The following LCORL variants were observed in gnomAD, a reference collection of about 807,000 sequenced individuals.
The protein encoded by LCORL is ligand-dependent nuclear receptor corepressor-like protein.
A neutral mutation model predicts 141.8 loss-of-function variants in LCORL; 41 were observed. That is an observed-to-expected ratio of 0.29 (90% CI 0.23 to 0.38). The LOEUF (loss-of-function observed/expected upper bound fraction) is 0.38. LCORL is among the 10% of genes least tolerant of loss of function. The probability of loss-of-function intolerance (pLI) is 1.00; values close to 1 mark genes in which losing one functional copy is unlikely to be tolerated. For missense variants in LCORL, 1,759 were observed against 2,035.0 expected (o/e 0.86, Z 2.61); for synonymous variants, 618 against 694.1 (o/e 0.89, Z 1.72).
chr4:17,943,917 CACTTT>C (rs778448616), intron 4 of LCORL, among the ~76,000 whole-genome samples: 1 of 152,192 alleles, frequency 6.6e-6, no homozygotes, highest in Non-Finnish European at 1.5e-5. Flanking sequence ...TTGTTACTCA[CACTTT>C]ACTTAAGGTT....
At chr4:17,975,007 C>T (rs1051077924) in intron 1 of LCORL, among the ~76,000 whole-genome samples, 2 of 151,898 alleles carry the variant, frequency 1.3e-5, no homozygotes. Flanking sequence ...TTTTATTGAT[C>T]TTTTTACAAA....
At chr4:17,882,469 A>G in intron 6 of LCORL, 1 of 984,652 alleles carries the variant, frequency 1.0e-6, no homozygotes, top group South Asian at 4.7e-5. Flanking sequence ...GGTAAAAATG[A>G]CCAGTCTCTC....
At chr4:17,977,695 A>C (rs1717232943) in intron 1 of LCORL, among the ~76,000 whole-genome samples, 1 of 152,160 alleles carries the variant, frequency 6.6e-6, no homozygotes, top group South Asian at 2.1e-4. Context: ...TATGTTGTGA[A>C]TATTTCTCCT....
At chr4:17,918,186 T>G (rs1733757532) in intron 4 of LCORL, among the ~76,000 whole-genome samples, 1 of 152,122 alleles carries the variant, frequency 6.6e-6, no homozygotes, top group Non-Finnish European at 1.5e-5. Flanking sequence ...TTTAGAAAAG[T>G]CGCTAAACAA....
intron 2 of LCORL, among the ~76,000 whole-genome samples, chr4:17,967,755 TCTTTA>T (rs1463817727): frequency 1.3e-5 from 2 of 152,202 alleles, no homozygotes; most frequent in African/African-American, 4.8e-5. Context: ...CTCAGGTAAG[TCTTTA>T]CTTCAGATAA....
intron 1 of LCORL, among the ~76,000 whole-genome samples, chr4:17,995,591 A>G (rs1163058590): frequency 6.6e-6 from 1 of 152,188 alleles, no homozygotes; most frequent in Non-Finnish European, 1.5e-5. Flanking sequence ...CAACAAGTAG[A>G]AACCAAACTA....
At chr4:17,940,648 A>G (rs1313025111) in intron 4 of LCORL, among the ~76,000 whole-genome samples, 8 of 151,902 alleles carry the variant, frequency 5.3e-5, no homozygotes, top group Admixed American at 5.3e-4. Flanking sequence ...GATTTCTATT[A>G]TCGGAACAGG....
At chr4:18,007,936 T>C (rs1440875355) in intron 1 of LCORL, among the ~76,000 whole-genome samples, 1 of 152,154 alleles carries the variant, frequency 6.6e-6, no homozygotes, top group Admixed American at 6.5e-5. Flanking sequence ...AAAGTAATTA[T>C]TGGGCTGATC....
At chr4:17,847,502 A>G (rs898561538) in intron 7 of LCORL, among the ~76,000 whole-genome samples, 3 of 152,248 alleles carry the variant, frequency 2.0e-5, no homozygotes, top group Admixed American at 1.3e-4. Flanking sequence ...TTCAATTTGT[A>G]TAAATAGATA....
intron 1 of LCORL, among the ~76,000 whole-genome samples, chr4:17,980,709 T>G (rs370402245): frequency 6.6e-6 from 1 of 152,194 alleles, no homozygotes; most frequent in African/African-American, 2.4e-5. Flanking sequence ...CCCAGGGCCA[T>G]GGACCAGTAC....
chr4:17,876,383 A>T (rs759411939), exon 7 of LCORL: 205 of 1,230,734 alleles, frequency 1.7e-4, no homozygotes, highest in Non-Finnish European at 1.3e-4. Context: ...CTTTACCATC[A>T]ATTTCTATCA....
intron 4 of LCORL, among the ~76,000 whole-genome samples, chr4:17,930,228 GAA>G (rs1467812430): frequency 1.3e-5 from 2 of 152,160 alleles, no homozygotes; most frequent in East Asian, 3.9e-4. Context: ...TAAGCCAGAG[GAA>G]GTGGTAGAAT....
intron 1 of LCORL, among the ~76,000 whole-genome samples, chr4:17,999,001 T>C (rs1327975770): frequency 3.2e-5 from 2 of 63,020 alleles, no homozygotes; most frequent in Non-Finnish European, 3.4e-5. Flanking sequence ...TATATATATA[T>C]ATACACACAT....
At chr4:17,901,545 C>A (rs148782301) in intron 5 of LCORL, among the ~76,000 whole-genome samples, 14 of 152,020 alleles carry the variant, frequency 9.2e-5, no homozygotes, top group Non-Finnish European at 1.9e-4. Context: ...TGATATAAAA[C>A]AAATGGTTGT....
chr4:17,883,611 G>C (rs1342786651), intron 6 of LCORL: 10 of 1,374,044 alleles, frequency 7.3e-6, no homozygotes, highest in African/African-American at 1.5e-5. Context: ...GTGAGCATTT[G>C]TAATTCCCAC....
At chr4:17,874,428 A>G (rs978066963) in exon 7 of LCORL, 1 of 1,233,784 alleles carries the variant, frequency 8.1e-7, no homozygotes, top group Non-Finnish European at 1.0e-6. Flanking sequence ...TGCTTTTCTA[A>G]CTAGTGAAAG....
chr4:17,954,857 A>C (rs1284989254), intron 4 of LCORL, among the ~76,000 whole-genome samples: 1 of 152,220 alleles, frequency 6.6e-6, no homozygotes, highest in African/African-American at 2.4e-5. Flanking sequence ...GGGGAAGGGA[A>C]ATAGGATAAA....
intron 4 of LCORL, chr4:17,912,688 T>A (rs1732765113): frequency 1.3e-5 from 5 of 392,048 alleles, no homozygotes; most frequent in Non-Finnish European, 2.5e-5. Context: ...AGGCCTGCTA[T>A]GCCCTGCAGA....
At chr4:17,850,126 C>T (rs1412485012) in intron 7 of LCORL, among the ~76,000 whole-genome samples, 3 of 143,158 alleles carry the variant, frequency 2.1e-5, no homozygotes, top group African/African-American at 5.3e-5. Flanking sequence ...ATACAAAAAT[C>T]AATTCAAGAT....
Sources: gnomAD v4.1 joint callset for allele counts (sites outside exome capture counted in the v4.1 genomes callset) on GRCh38, gnomAD v4.1.1 for gene constraint, MANE v1.5 for transcripts, NCBI Gene and HGNC (gene_info 2026-07-23, HGNC 2026-07-21) for gene names.